Variants in RALGAPA2 observed in about 807,000 individuals in gnomAD.
The protein encoded by RALGAPA2 is ral GTPase-activating protein subunit alpha-2.
In RALGAPA2, 139 loss-of-function variants were observed where a neutral mutation model predicts 230.4. The observed-to-expected ratio is 0.60, with a 90% CI of 0.53 to 0.69. RALGAPA2 has a LOEUF of 0.69. Among genes scored for constraint, RALGAPA2 ranks in the 30% least tolerant of loss-of-function variants. RALGAPA2 has a pLI of 0.00. For synonymous variants in RALGAPA2, 847 were observed against 837.8 expected (o/e 1.01, Z -0.19); for missense variants, 2,163 against 2,276.0 (o/e 0.95, Z 1.01).
chr20:20,548,126 C>A (rs1356286922), intron 23 of RALGAPA2, among the ~76,000 whole-genome samples: 5 of 123,176 alleles, frequency 4.1e-5, no homozygotes, highest in Non-Finnish European at 3.1e-5. Context: ...GCAAAATCTC[C>A]ACACACACAC....
chr20:20,643,987 T>C (rs2067126713), intron 4 of RALGAPA2, among the ~76,000 whole-genome samples: 1 of 152,172 alleles, frequency 6.6e-6, no homozygotes, highest in Non-Finnish European at 1.5e-5. Flanking sequence ...GGTCCATCAA[T>C]AAATCCTCTA....
At chr20:20,524,927 C>T (rs771241255) in intron 28 of RALGAPA2, 29 bp from the exon 29 acceptor site, 2 of 1,573,698 alleles carry the variant, frequency 1.3e-6, no homozygotes, top group East Asian at 2.3e-5. Flanking sequence ...CCCAATCAAA[C>T]AGACCATATT....
intron 36 of RALGAPA2, among the ~76,000 whole-genome samples, chr20:20,489,567 G>GAAA: frequency 7.5e-6 from 1 of 132,542 alleles, no homozygotes; most frequent in Non-Finnish European, 1.6e-5. Flanking sequence ...AAGTATTCAT[G>GAAA]AAAAAAAAAA....
rs1244808385 is a variant in RALGAPA2, at chr20:20,635,669, A to C, written c.806-52T>G. The C allele has an allele frequency of 4.3e-6, 6 of 1,386,672 alleles. No homozygotes were observed. The East Asian group carries it at 1.0e-4, about 24-fold the overall frequency. The allele number at this position is 1,386,672 out of a possible 1,614,324, so 85.9% of individuals were successfully genotyped here. Reference sequence around the variant, plus strand: ...ATTAGGTTAATAAATCATAACATTAAGTAATCCCTACAAATGTTTTGGTTT... The same window carrying C: ...ATTAGGTTAATAAATCATAACATTACGTAATCCCTACAAATGTTTTGGTTT... On this transcript the variant is annotated intron_variant, in intron 8 of 39. Transcript: ENST00000202677.
intron 37 of RALGAPA2, among the ~76,000 whole-genome samples, chr20:20,420,779 T>A (rs1270554157): frequency 2.0e-5 from 3 of 152,186 alleles, no homozygotes; most frequent in African/African-American, 7.2e-5. Context: ...CTGTTTCGAA[T>A]GTGTGAAATA....
In RALGAPA2 at chr20:20,601,706, T is replaced by G. The variant is rs1334234565; in HGVS notation, c.2179A>C (p.Asn727His). 8 of 1,613,588 alleles carry G rather than the reference T, an allele frequency of 5.0e-6. No individual in the cohort carries two copies. Among genetic ancestry groups the G allele is most frequent in the Non-Finnish European group, 6.8e-6 (8 of 1,179,684 alleles). ...CCAGTTGCTTTTTGGCGAACAATAT[T>G]TCTTGCCTTTTCCACTCCCGGTGCT... ...SGAPGVEKAR[N>H]IVRQKATEVE... The change falls in exon 16 of 40, where the codon AAT (asparagine) becomes CAT (histidine). Residue 727 changes from asparagine (N) to histidine (H), a missense_variant. Coordinates refer to ENST00000202677, the MANE Select transcript of RALGAPA2 (RefSeq NM_020343.4).
At chr20:20,522,647 T>C (rs2063079354) in intron 30 of RALGAPA2, among the ~76,000 whole-genome samples, 1 of 152,208 alleles carries the variant, frequency 6.6e-6, no homozygotes, top group African/African-American at 2.4e-5. Context: ...ACAAGCATGC[T>C]CACTTGGTAA....
chr20:20,407,933 T>G (rs916546252), intron 38 of RALGAPA2, among the ~76,000 whole-genome samples: 3 of 152,228 alleles, frequency 2.0e-5, no homozygotes, highest in Admixed American at 6.5e-5. Context: ...CAGACTCTGA[T>G]GAAGCATAGT....
chr20:20,410,200 T>C (rs2067592), intron 38 of RALGAPA2, among the ~76,000 whole-genome samples: 4,735 of 152,300 alleles, frequency 0.031, 144 homozygotes, highest in East Asian at 0.16. Flanking sequence ...AAAACTCAAA[T>C]TGCTCCTAGA....
chr20:20,641,504 T>C (rs1410762462), intron 5 of RALGAPA2, among the ~76,000 whole-genome samples: 1 of 152,172 alleles, frequency 6.6e-6, no homozygotes, highest in Non-Finnish European at 1.5e-5. Context: ...TCCAACACCT[T>C]TGCCATGCTC....
rs1555833890 is a variant in RALGAPA2, at chr20:20,712,600, T to TGCTGCCGCC, written c.-129_-121dup. 2,015 of 1,161,710 alleles carry TGCTGCCGCC rather than the reference T, an allele frequency of 1.7e-3. 6 individuals carry two copies. The highest frequency in any genetic ancestry group is 2.3e-3 in the South Asian group (62 of 26,610). 72.0% of individuals were successfully genotyped at this position (1,161,710 alleles called of 1,614,324 possible). Reference sequence around the variant, plus strand: ...GGCCACTCGCCGCCCCCAGCCCCGCTGCTGCCGCCGCCGCCGCCGCCGCCG... The same window carrying TGCTGCCGCC: ...GGCCACTCGCCGCCCCCAGCCCCGCTGCTGCCGCCGCTGCCGCCGCCGCCGCCGCCGCCG... On this transcript the variant is annotated 5_prime_UTR_variant, in exon 1 of 40. Transcript: ENST00000202677. This position sits in a 1 kb window ranked among gnomAD's most constrained non-coding sequence, Gnocchi z 5.5.
intron 35 of RALGAPA2, among the ~76,000 whole-genome samples, chr20:20,502,484 G>C (rs1180524041): frequency 6.6e-6 from 1 of 152,170 alleles, no homozygotes; most frequent in Non-Finnish European, 1.5e-5. Flanking sequence ...CTGTAACATA[G>C]GCTGTGTTTT....
chr20:20,515,234 G>A (rs565418408), intron 31 of RALGAPA2, among the ~76,000 whole-genome samples: 242 of 152,310 alleles, frequency 1.6e-3, no homozygotes, highest in Middle Eastern at 3.4e-3. Flanking sequence ...TGGCTTGTAG[G>A]TCAAATCGCA....
chr20:20,578,831 G>C (rs759063298), intron 20 of RALGAPA2, among the ~76,000 whole-genome samples: 7 of 152,176 alleles, frequency 4.6e-5, no homozygotes, highest in Non-Finnish European at 8.8e-5. Flanking sequence ...ATGGCATCCT[G>C]CTCCCACCAG....
At chr20:20,586,886 G>A (rs1277145556) in intron 18 of RALGAPA2, among the ~76,000 whole-genome samples, 1 of 152,112 alleles carries the variant, frequency 6.6e-6, no homozygotes, top group African/African-American at 2.4e-5. Context: ...AGAATTCCAG[G>A]AGGAAAGCAA....
chr20:20,681,565 A>T (rs529404164), intron 1 of RALGAPA2, among the ~76,000 whole-genome samples: 5 of 152,372 alleles, frequency 3.3e-5, no homozygotes, highest in Admixed American at 6.5e-5. Flanking sequence ...TGGGGGCTCA[A>T]AGTAGTTATC....
At chr20:20,611,561 T>C in intron 13 of RALGAPA2, 135 bp from the exon 14 acceptor site, 1 of 1,360,994 alleles carries the variant, frequency 7.3e-7, no homozygotes, top group East Asian at 2.4e-5. Flanking sequence ...AAAGTCCAGA[T>C]GCCAATTACA....
At chr20:20,436,226 C>T (rs2060609613) in intron 37 of RALGAPA2, among the ~76,000 whole-genome samples, 1 of 152,180 alleles carries the variant, frequency 6.6e-6, no homozygotes, top group Non-Finnish European at 1.5e-5. Flanking sequence ...GCATACAGTG[C>T]TTCCAGGACC....
At position 20,635,408 on chromosome 20, in the gene RALGAPA2, G is replaced by C; in HGVS notation, c.1005+10C>G. On this transcript the variant is annotated intron_variant, in intron 9 of 39. Transcript: ENST00000202677. ...AGCATTAACAGATAAAAAGATGATG[G>C]ATGGCATACCTGGATGATTTTAGGC... 1 of 1,577,654 alleles carries C rather than the reference G, an allele frequency of 6.3e-7. No homozygotes were observed.
Sources: gnomAD v4.1 joint callset for allele counts (sites outside exome capture counted in the v4.1 genomes callset) on GRCh38, gnomAD v4.1.1 for gene constraint, Gnocchi (gnomAD v3.1) non-coding constraint, MANE v1.5 for transcripts, NCBI Gene and HGNC (gene_info 2026-07-23, HGNC 2026-07-21) for gene names.